The following FSTL4 variants were observed in gnomAD, a reference collection of about 807,000 sequenced individuals.
FSTL4 encodes follistatin-related protein 4.
In FSTL4, 28 loss-of-function variants were observed where a neutral mutation model predicts 78.2. The observed-to-expected ratio is 0.36, with a 90% CI of 0.27 to 0.49. FSTL4 has a LOEUF of 0.49. Among genes scored for constraint, FSTL4 ranks in the 20% least tolerant of loss-of-function variants. The pLI, the probability that FSTL4 is intolerant of heterozygous loss-of-function variation, is 0.98. For missense variants in FSTL4, 922 were observed against 1,084.9 expected (o/e 0.85, Z 2.11); for synonymous variants, 422 against 440.5 (o/e 0.96, Z 0.53).
chr5:133,690,433 A>G, the FSTL4 span, among the ~76,000 whole-genome samples: 3 of 152,138 alleles, frequency 2.0e-5, no homozygotes, highest in Non-Finnish European at 4.4e-5. Context: ...CATGACATAT[A>G]TCTGCTGCAC....
the FSTL4 span, among the ~76,000 whole-genome samples, chr5:133,754,484 T>G: frequency 6.6e-6 from 1 of 152,250 alleles, no homozygotes; most frequent in African/African-American, 2.4e-5. Flanking sequence ...TTATAATGGA[T>G]AGTTTGATAG....
rs60937095 is a variant in FSTL4, at chr5:133,289,810, G to A, written c.727+22844C>T. On this transcript the variant is annotated intron_variant, in intron 6 of 15. Coordinates refer to ENST00000265342, the MANE Select transcript of FSTL4 (RefSeq NM_015082.2). The stretch of plus-strand genomic sequence containing the variant: ...ACCATGTCTCAGTGATGGGTGGGGG[G>A]ACTTATTTCATCTGGCTCAGCCAGG... Among the ~76,000 whole-genome samples the A allele has an allele frequency of 3.6e-3, 544 of 152,294 alleles. 3 individuals carry two copies. The highest frequency in any genetic ancestry group is 0.013 in the African/African-American group (525 of 41,554).
intron 3 of FSTL4, among the ~76,000 whole-genome samples, chr5:133,448,866 T>G (rs1286588183): frequency 6.6e-6 from 1 of 152,044 alleles, no homozygotes; most frequent in Non-Finnish European, 1.5e-5. Context: ...CAAATCTAGT[T>G]CTCTTTTGAA....
chr5:133,574,756 A>T (rs1354007784), intron 2 of FSTL4: 3 of 152,102 alleles, frequency 2.0e-5, no homozygotes, highest in Admixed American at 6.5e-5. Context: ...AAAAGAAAAA[A>T]CTCTGCAACA....
intron 3 of FSTL4, among the ~76,000 whole-genome samples, chr5:133,415,749 C>A (rs944492459): frequency 3.9e-5 from 6 of 151,980 alleles, no homozygotes; most frequent in African/African-American, 1.5e-4. Context: ...GTGGCAGGGG[C>A]AGGAGGTTAT....
the FSTL4 span, among the ~76,000 whole-genome samples, chr5:133,841,641 TC>T: frequency 6.6e-6 from 1 of 152,136 alleles, no homozygotes; most frequent in Non-Finnish European, 1.5e-5. Context: ...ACGGTAAGGC[TC>T]AGAGGGGCAA....
chr5:133,722,034 T>G, the FSTL4 span, among the ~76,000 whole-genome samples: 2 of 152,112 alleles, frequency 1.3e-5, no homozygotes, highest in South Asian at 4.2e-4. Flanking sequence ...AGATTATTTC[T>G]TCTGCTTGAT....
At chr5:133,813,825 T>A in the FSTL4 span, among the ~76,000 whole-genome samples, 1 of 152,232 alleles carries the variant, frequency 6.6e-6, no homozygotes, top group African/African-American at 2.4e-5. Context: ...ACTGAGAGAC[T>A]ATTATAGTTT....
At chr5:133,326,759 A>G (rs376429985) in intron 4 of FSTL4, among the ~76,000 whole-genome samples, 3 of 152,154 alleles carry the variant, frequency 2.0e-5, no homozygotes, top group South Asian at 2.1e-4. Context: ...TCCTTGTCCT[A>G]TCTCCTAGAC....
chr5:133,312,883 G>T, intron 5 of FSTL4, 106 bp from the exon 6 acceptor site: 1 of 959,126 alleles, frequency 1.0e-6, no homozygotes, highest in Non-Finnish European at 1.6e-6. Flanking sequence ...AGCTCAGTGG[G>T]CCTTGAGGGG....
chr5:133,245,928 TAG>T (rs1752027148), intron 7 of FSTL4, among the ~76,000 whole-genome samples: 4 of 152,252 alleles, frequency 2.6e-5, no homozygotes, highest in Admixed American at 1.3e-4. Flanking sequence ...CATTCTGTAA[TAG>T]CTCTGTGACT....
chr5:133,252,651 C>T (rs1267001813), intron 6 of FSTL4, among the ~76,000 whole-genome samples: 1 of 152,074 alleles, frequency 6.6e-6, no homozygotes, highest in Non-Finnish European at 1.5e-5. Flanking sequence ...GCTGGGGTTT[C>T]CTGGGGCTCT....
chr5:133,796,141 C>A, the FSTL4 span, among the ~76,000 whole-genome samples: 77 of 152,356 alleles, frequency 5.1e-4, 1 homozygote, highest in Admixed American at 2.9e-3. Flanking sequence ...ACAGAGAAAT[C>A]TGTGCTACTG....
chr5:133,648,336 G>C, the FSTL4 span, among the ~76,000 whole-genome samples: 2 of 152,188 alleles, frequency 1.3e-5, no homozygotes, highest in African/African-American at 2.4e-5. Context: ...TAGCCCAAGG[G>C]GGCAGCTTTG....
chr5:133,259,580 C>T (rs1006420453), intron 6 of FSTL4, among the ~76,000 whole-genome samples: 8 of 145,888 alleles, frequency 5.5e-5, no homozygotes, highest in Non-Finnish European at 7.4e-5. Flanking sequence ...GTGCGCGGCA[C>T]GATCTTGGCT....
chr5:133,249,891 C>G lies in FSTL4; in HGVS notation c.728-315G>C, dbSNP rs76308142. On this transcript the variant is annotated intron_variant, in intron 6 of 15. Coordinates refer to ENST00000265342, the MANE Select transcript of FSTL4 (RefSeq NM_015082.2). ...TGTGGGCTGCGAAGGCCAGGGGGCC[C>G]ACCACAGAGAGACCGGGGGGCAGGG... 4.0e-3 allele frequency among the ~76,000 whole-genome samples: 605 copies of G among 152,350 alleles called. 4 individuals are homozygous for G. The highest frequency in any genetic ancestry group is 0.013 in the African/African-American group (528 of 41,586).
At chr5:133,255,925 T>G (rs2126829463) in intron 6 of FSTL4, among the ~76,000 whole-genome samples, 1 of 152,322 alleles carries the variant, frequency 6.6e-6, no homozygotes, top group Admixed American at 6.5e-5. Context: ...CATAAACCCA[T>G]CAGCACCCTC....
At chr5:133,452,284 T>C (rs1314487769) in intron 3 of FSTL4, among the ~76,000 whole-genome samples, 3 of 152,212 alleles carry the variant, frequency 2.0e-5, no homozygotes, top group Non-Finnish European at 4.4e-5. Context: ...AGACTATTCT[T>C]GTTGTATCAT....
chr5:133,217,282 G>A lies in FSTL4; in HGVS notation c.1555C>T (p.Pro519Ser), dbSNP rs764044529. The change falls in exon 13 of 16, where the codon CCA (proline) becomes TCA (serine). Residue 519 changes from proline (P) to serine (S), a missense_variant. Pro to Ser is a moderately conservative substitution (Grantham distance 74). Transcript: ENST00000265342. ...ACCACAAGGACTCTGCTCAGTGCTG[G>A]CTGGGCCACATAGATGTACCGGTTC... ...VRNRYIYVAQ[P>S]ALSRVLVVDI... 1.9e-6 allele frequency: 3 copies of A among 1,613,616 alleles called. No individual in the cohort carries two copies. The South Asian group carries it at 3.3e-5, about 18-fold the overall frequency.
Sources: gnomAD v4.1 joint callset for allele counts (sites outside exome capture counted in the v4.1 genomes callset) on GRCh38, gnomAD v4.1.1 for gene constraint, MANE v1.5 for transcripts, NCBI Gene and HGNC (gene_info 2026-07-23, HGNC 2026-07-21) for gene names.